Variants in RPH3AL observed in about 807,000 individuals in gnomAD.
RPH3AL encodes rab effector Noc2.
A neutral mutation model predicts 43.1 loss-of-function variants in RPH3AL; 38 were observed. That is an observed-to-expected ratio of 0.88 (90% CI 0.68 to 1.15). The LOEUF is 1.15. RPH3AL is among the 50% of genes most tolerant of loss of function. The pLI, the probability that RPH3AL is intolerant of heterozygous loss-of-function variation, is 0.00. For synonymous variants in RPH3AL, 189 were observed against 176.3 expected, an observed-to-expected ratio of 1.07 and a Z score of -0.57; for missense variants, 462 against 423.2, an observed-to-expected ratio of 1.09 and a Z score of -0.81.
Position 246,556 on chromosome 17 carries a change from G to A in RPH3AL, c.613+555C>T, listed in dbSNP as rs193060445. 1.1e-4 allele frequency among the ~76,000 whole-genome samples: 16 copies of A among 152,246 alleles called. No individual in the cohort carries two copies. The East Asian group carries it at 2.1e-3, about 20-fold the overall frequency. On this transcript the variant is annotated intron_variant, in intron 7 of 9. Transcript: ENST00000331302. The surrounding 1 kb of genome is among the most constrained non-coding windows in gnomAD (Gnocchi z 4.8). The stretch of plus-strand genomic sequence containing the variant: ...AACATCAAAGCATCATGAAAGCTGC[G>A]GAGAACGGTCCACAACCAGGCGCCC...
At chr17:350,862 T>G (rs1598178663) in intron 1 of RPH3AL, among the ~76,000 whole-genome samples, 2 of 152,196 alleles carry the variant, frequency 1.3e-5, no homozygotes, top group Middle Eastern at 3.4e-3. Context: ...ACAGCAGGCT[T>G]CCTCCTCCTG....
intron 7 of RPH3AL, among the ~76,000 whole-genome samples, chr17:235,744 C>G (rs149785502): frequency 3.4e-5 from 2 of 58,518 alleles, no homozygotes; most frequent in African/African-American, 6.5e-5. Flanking sequence ...ACTAACAAGA[C>G]GGATCCAGGG....
chr17:314,370 C>A (rs1652282260), intron 5 of RPH3AL, among the ~76,000 whole-genome samples: 2 of 152,168 alleles, frequency 1.3e-5, no homozygotes, highest in South Asian at 2.1e-4. Flanking sequence ...GAGTCACTGC[C>A]CGAGTCCTGC....
intron 5 of RPH3AL, among the ~76,000 whole-genome samples, chr17:293,284 G>A (rs573406315): frequency 1.3e-5 from 2 of 152,212 alleles, no homozygotes; most frequent in African/African-American, 4.8e-5. Flanking sequence ...ACTGCGTCCC[G>A]AGTGGAGAGG....
At chr17:270,824 G>A (rs970087820) in intron 6 of RPH3AL, among the ~76,000 whole-genome samples, 2 of 152,136 alleles carry the variant, frequency 1.3e-5, no homozygotes, top group Admixed American at 6.5e-5. Flanking sequence ...CATTGCTTTT[G>A]GTGTTTTAGA....
chr17:346,172 C>T lies in RPH3AL; in HGVS notation c.-213+6540G>A, dbSNP rs1316540559. Among the ~76,000 whole-genome samples, 6 of 134,584 alleles carry T rather than the reference C, an allele frequency of 4.5e-5. 2 individuals carry two copies. Among genetic ancestry groups the T allele is most frequent in the African/African-American group, 1.0e-4 (4 of 39,228 alleles). The allele number at this position is 134,584 out of a possible 152,430, so 88.3% of individuals were successfully genotyped here. A position where few individuals can be genotyped will look rare whatever the true frequency, so the allele number is the denominator to read the frequency against. The stretch of plus-strand genomic sequence containing the variant: ...AGAGAGGTAAATGACAGCTGGTAAG[C>T]GACAAAGGCCCAGGATTTGAACTCC... On this transcript the variant is annotated intron_variant, in intron 1 of 9. Transcript: ENST00000331302.
chr17:327,368 A>C, intron 3 of RPH3AL, 99 bp downstream of exon 3: 1 of 1,094,482 alleles, frequency 9.1e-7, no homozygotes, highest in Middle Eastern at 2.0e-4. Flanking sequence ...CTCTCCAAAC[A>C]TCTCTTTCTG....
intron 7 of RPH3AL, among the ~76,000 whole-genome samples, chr17:221,611 T>C (rs1227852772): frequency 1.5e-5 from 2 of 135,150 alleles, no homozygotes; most frequent in Non-Finnish European, 3.1e-5. Flanking sequence ...GGTGAGACAA[T>C]AGACCCAAGC....
intron 5 of RPH3AL, among the ~76,000 whole-genome samples, chr17:300,095 C>T (rs868177900): frequency 2.8e-5 from 1 of 36,168 alleles, no homozygotes; most frequent in Non-Finnish European, 6.2e-5. Context: ...AGGGGCTGGC[C>T]CAGCCTAGGC....
At chr17:321,643 C>A (rs898033584) in intron 3 of RPH3AL, 14 of 465,216 alleles carry the variant, frequency 3.0e-5, no homozygotes, top group South Asian at 2.8e-4. Flanking sequence ...TTCCGTGTGC[C>A]GGGGTTGGGA....
intron 5 of RPH3AL, among the ~76,000 whole-genome samples, chr17:302,686 G>A (rs2043358816): frequency 2.0e-5 from 3 of 152,226 alleles, no homozygotes; most frequent in Admixed American, 2.0e-4. Context: ...CCCAGCAGGT[G>A]TGTGAGCCGC....
chr17:269,207 G>T (rs1308250681), intron 6 of RPH3AL, among the ~76,000 whole-genome samples: 3 of 151,730 alleles, frequency 2.0e-5, no homozygotes, highest in Non-Finnish European at 4.4e-5. Context: ...ACGAGGGATC[G>T]CCATGTTGCC....
At chr17:311,400 G>A (rs1408673463) in intron 5 of RPH3AL, among the ~76,000 whole-genome samples, 3 of 152,024 alleles carry the variant, frequency 2.0e-5, no homozygotes, top group East Asian at 1.9e-4. Flanking sequence ...TCCCCTCCCC[G>A]GATGCCCTTC....
At chr17:248,913 G>A (rs1360266106) in intron 6 of RPH3AL, among the ~76,000 whole-genome samples, 5 of 152,168 alleles carry the variant, frequency 3.3e-5, no homozygotes, top group African/African-American at 4.8e-5. Context: ...TGTCCCTTCC[G>A]CTCGAGGCTC....
chr17:310,697 C>G (rs1390517208), intron 5 of RPH3AL, among the ~76,000 whole-genome samples: 1 of 152,212 alleles, frequency 6.6e-6, no homozygotes, highest in East Asian at 1.9e-4. Flanking sequence ...TAATTAATTA[C>G]CCTTAATGGT....
In RPH3AL at chr17:314,195, G is replaced by T. The variant is rs77319062; in HGVS notation, c.351+5225C>A. Among the ~76,000 whole-genome samples the T allele has an allele frequency of 7.6e-3, 1,156 of 152,190 alleles. 19 individuals are homozygous for T. Among genetic ancestry groups the T allele is most frequent in the African/African-American group, 0.026 (1,085 of 41,540 alleles). ...GGCCCTGGACTGTCCCAGGGGAAGT[G>T]GGCCAGGATCTGTGCCTCTTCATGG... On this transcript the variant is annotated intron_variant, in intron 5 of 9. Transcript: ENST00000331302.
At chr17:259,370 C>T (rs1555545549) in intron 6 of RPH3AL, among the ~76,000 whole-genome samples, 1 of 152,076 alleles carries the variant, frequency 6.6e-6, no homozygotes, top group Non-Finnish European at 1.5e-5. Context: ...TGCAAAGGAC[C>T]CCACACCCAC....
Position 225,012 on chromosome 17 carries a change from T to C in RPH3AL, c.614-5276A>G, listed in dbSNP as rs1372522762. Among the ~76,000 whole-genome samples the C allele has an allele frequency of 6.6e-6, 1 of 150,924 alleles. No individual in the cohort carries two copies. Among genetic ancestry groups the C allele is most frequent in the Admixed American group, 6.6e-5 (1 of 15,128 alleles). On this transcript the variant is annotated intron_variant, in intron 7 of 9. Transcript: ENST00000331302. The surrounding 1 kb of genome is among the most constrained non-coding windows in gnomAD (Gnocchi z 4.4). ...ATAGCGTTAGGAGATATACCTAATG[T>C]AAATGACGAGTTAATGGGTGCAGCA...
At chr17:305,250 G>A (rs1374876083) in intron 5 of RPH3AL, among the ~76,000 whole-genome samples, 1 of 151,932 alleles carries the variant, frequency 6.6e-6, no homozygotes. Context: ...TCGTGTCCAG[G>A]CACCGGCCGA....
Sources: gnomAD v4.1 joint callset for allele counts (sites outside exome capture counted in the v4.1 genomes callset) on GRCh38, gnomAD v4.1.1 for gene constraint, Gnocchi (gnomAD v3.1) non-coding constraint, MANE v1.5 for transcripts, NCBI Gene and HGNC (gene_info 2026-07-23, HGNC 2026-07-21) for gene names.